The following CDH13 variants were observed in gnomAD, a reference collection of about 807,000 sequenced individuals.
CDH13 encodes the protein cadherin 13.
In CDH13, 24 loss-of-function variants were observed where a neutral mutation model predicts 63.8. The ratio of observed to expected loss-of-function variants is 0.38; its 90% CI spans 0.27 to 0.53. The LOEUF is 0.53. CDH13 is among the 20% of genes least tolerant of loss of function. The probability of loss-of-function intolerance (pLI) is 0.85; values close to 1 mark genes in which losing one functional copy is unlikely to be tolerated. For missense variants in CDH13, 1,049 were observed against 903.1 expected, an observed-to-expected ratio of 1.16 and a Z score of -2.07; for synonymous variants, 503 against 355.3, an observed-to-expected ratio of 1.42 and a Z score of -4.67.
At chr16:83,660,340 T>C (rs1913324026) in intron 8 of CDH13, among the ~76,000 whole-genome samples, 1 of 152,118 alleles carries the variant, frequency 6.6e-6, no homozygotes, top group Admixed American at 6.5e-5. Context: ...CAATGATAGA[T>C]CATCAAGTAT....
Position 82,644,061 on chromosome 16 carries a change from G to T in CDH13, c.45+16924G>T, listed in dbSNP as rs1222542377. ...TAGTAAGTGGTTTAGGATGGGGGGT[G>T]GTATGGAGGTCGGGTGGGGAGAAAG... On this transcript the variant is annotated intron_variant, in intron 1 of 13. Transcript: ENST00000567109. This position sits in a 1 kb window ranked among gnomAD's most constrained non-coding sequence, Gnocchi z 5.7. Among the ~76,000 whole-genome samples the T allele has an allele frequency of 6.6e-6, 1 of 152,104 alleles. No individual in the cohort carries two copies. Among genetic ancestry groups the T allele is most frequent in the Non-Finnish European group, 1.5e-5 (1 of 68,012 alleles).
intron 6 of CDH13, among the ~76,000 whole-genome samples, chr16:83,424,564 C>G (rs1284109317): frequency 1.3e-5 from 2 of 151,990 alleles, no homozygotes; most frequent in Non-Finnish European, 2.9e-5. Context: ...TAGACTGAGG[C>G]AAACTAATAT....
chr16:83,105,838 A>G (rs376351431), intron 3 of CDH13, among the ~76,000 whole-genome samples: 1 of 152,314 alleles, frequency 6.6e-6, no homozygotes, highest in East Asian at 1.9e-4. Flanking sequence ...GTTATCAGGC[A>G]GGTAGTGAAG....
intron 1 of CDH13, among the ~76,000 whole-genome samples, chr16:82,713,517 CG>C (rs1555504988): frequency 6.6e-6 from 1 of 152,058 alleles, no homozygotes; most frequent in Non-Finnish European, 1.5e-5. Flanking sequence ...ACACTCTGTG[CG>C]GTGTTTCCGG....
At chr16:83,769,626 G>C (rs1383429713) in intron 11 of CDH13, among the ~76,000 whole-genome samples, 1 of 152,186 alleles carries the variant, frequency 6.6e-6, no homozygotes, top group Non-Finnish European at 1.5e-5. Flanking sequence ...GCATACAGTT[G>C]AGTTGGTGCC....
intron 6 of CDH13, among the ~76,000 whole-genome samples, chr16:83,433,344 A>G (rs2072184446): frequency 6.6e-6 from 1 of 152,186 alleles, no homozygotes; most frequent in East Asian, 1.9e-4. Context: ...AGGCTTGTTG[A>G]GTAGTTCCAA....
At chr16:82,759,928 T>C (rs1567506893) in intron 1 of CDH13, among the ~76,000 whole-genome samples, 1 of 152,176 alleles carries the variant, frequency 6.6e-6, no homozygotes, top group Non-Finnish European at 1.5e-5. Flanking sequence ...GGGAAAGCCT[T>C]ATATTTACTG....
In CDH13 at chr16:83,001,235, T is replaced by G. The variant is rs1415022104; in HGVS notation, c.158-30775T>G. On this transcript the variant is annotated intron_variant, in intron 2 of 13. Coordinates refer to ENST00000567109, the MANE Select transcript of CDH13 (RefSeq NM_001257.5). ...ACAGAGCAGGCAAGTAACTTACGTT[T>G]GCTTCGCAATTCCATCTTCTTAAGT... Among the ~76,000 whole-genome samples the G allele has an allele frequency of 2.0e-5, 3 of 152,380 alleles. No individual in the cohort carries two copies. The East Asian group carries it at 5.8e-4, about 29-fold the overall frequency.
intron 2 of CDH13, among the ~76,000 whole-genome samples, chr16:82,929,203 A>G (rs1461719860): frequency 6.6e-6 from 1 of 152,196 alleles, no homozygotes; most frequent in Non-Finnish European, 1.5e-5. Flanking sequence ...CAGAATTCAT[A>G]TTTTGAAACC....
chr16:83,171,074 G>A (rs770756610), intron 4 of CDH13, among the ~76,000 whole-genome samples: 1 of 152,028 alleles, frequency 6.6e-6, no homozygotes, highest in Non-Finnish European at 1.5e-5. Context: ...AATTTATAAA[G>A]AGAAGAGGTT....
intron 1 of CDH13, among the ~76,000 whole-genome samples, chr16:82,712,355 G>A (rs527920723): frequency 3.7e-4 from 56 of 152,220 alleles, no homozygotes; most frequent in African/African-American, 1.3e-3. Context: ...GTATAAAAAT[G>A]CTCCCTTCTG....
At chr16:83,494,623 C>G (rs1006976522) in intron 7 of CDH13, among the ~76,000 whole-genome samples, 1 of 152,126 alleles carries the variant, frequency 6.6e-6, no homozygotes, top group East Asian at 1.9e-4. Flanking sequence ...TACTCAGTGT[C>G]CAGAGCAGGA....
chr16:83,590,539 T>G (rs1906635302), intron 7 of CDH13, among the ~76,000 whole-genome samples: 1 of 152,104 alleles, frequency 6.6e-6, no homozygotes, highest in Admixed American at 6.5e-5. Flanking sequence ...CATAACAAGA[T>G]TGAAAGCAGG....
intron 6 of CDH13, among the ~76,000 whole-genome samples, chr16:83,427,997 G>C (rs1374682453): frequency 2.0e-5 from 3 of 152,190 alleles, no homozygotes; most frequent in Non-Finnish European, 4.4e-5. Context: ...TGATCCTCTG[G>C]TCAGTTCCAC....
At chr16:82,831,642 T>A (rs1321385152) in intron 1 of CDH13, among the ~76,000 whole-genome samples, 1 of 152,152 alleles carries the variant, frequency 6.6e-6, no homozygotes, top group Non-Finnish European at 1.5e-5. Flanking sequence ...AACAATAACG[T>A]CCAGGTCATT....
At chr16:83,549,762 T>G (rs776781043) in intron 7 of CDH13, among the ~76,000 whole-genome samples, 16 of 151,980 alleles carry the variant, frequency 1.1e-4, no homozygotes, top group Non-Finnish European at 2.2e-4. Flanking sequence ...ACTTGTCAAC[T>G]AAAGAAAGGG....
At chr16:82,933,282 G>A (rs2042557338) in intron 2 of CDH13, among the ~76,000 whole-genome samples, 1 of 152,156 alleles carries the variant, frequency 6.6e-6, no homozygotes, top group Admixed American at 6.5e-5. Context: ...CCTTCACATG[G>A]CAGCAGGAGA....
At chr16:82,853,016 C>T (rs762912105) in intron 1 of CDH13, among the ~76,000 whole-genome samples, 13 of 152,180 alleles carry the variant, frequency 8.5e-5, no homozygotes, top group African/African-American at 1.7e-4. Flanking sequence ...TTCTGTACTA[C>T]AGCAAATAAA....
intron 5 of CDH13, among the ~76,000 whole-genome samples, chr16:83,277,394 A>G (rs566469346): frequency 6.6e-6 from 1 of 152,280 alleles, no homozygotes; most frequent in African/African-American, 2.4e-5. Flanking sequence ...CCTACTGAAT[A>G]AGGATCTCTT....
Sources: gnomAD v4.1 joint callset for allele counts (sites outside exome capture counted in the v4.1 genomes callset) on GRCh38, gnomAD v4.1.1 for gene constraint, Gnocchi (gnomAD v3.1) non-coding constraint, MANE v1.5 for transcripts, NCBI Gene and HGNC (gene_info 2026-07-23, HGNC 2026-07-21) for gene names.